Variants in CHD1L observed in about 807,000 individuals in gnomAD.
CHD1L encodes the protein ATP-dependent chromatin remodeler CHD1L.
In CHD1L, 118 loss-of-function variants were observed where a neutral mutation model predicts 115.9. The ratio of observed to expected loss-of-function variants is 1.02; its 90% CI spans 0.88 to 1.19. The LOEUF (loss-of-function observed/expected upper bound fraction) is 1.19. Ranked by LOEUF, CHD1L falls within the 50% of genes most tolerant of loss-of-function variation. The pLI, the probability that CHD1L is intolerant of heterozygous loss-of-function variation, is 0.00. For synonymous variants in CHD1L, 411 were observed against 387.1 expected, an observed-to-expected ratio of 1.06 and a Z score of -0.72; for missense variants, 1,179 against 1,065.3, an observed-to-expected ratio of 1.11 and a Z score of -1.49.
the CHD1L span, chr1:147,210,023 A>G: frequency 6.6e-6 from 1 of 152,176 alleles, no homozygotes; most frequent in Non-Finnish European, 1.5e-5. Context: ...ACTTCCATTT[A>G]TTGGGATTTG....
At chr1:147,217,942 T>C in the CHD1L span, among the ~76,000 whole-genome samples, 1 of 152,190 alleles carries the variant, frequency 6.6e-6, no homozygotes, top group African/African-American at 2.4e-5. Flanking sequence ...TAAATAGCAC[T>C]CAATAAATGT....
intron 1 of CHD1L, among the ~76,000 whole-genome samples, chr1:147,244,242 T>G (rs1665877359): frequency 6.6e-6 from 1 of 152,172 alleles, no homozygotes; most frequent in Admixed American, 6.5e-5. Context: ...GGCAAGTGTT[T>G]TAGTGAAAAT....
At chr1:147,208,810 T>C in the CHD1L span, 1 of 1,532,662 alleles carries the variant, frequency 6.5e-7, no homozygotes, top group South Asian at 1.1e-5. Context: ...CTTATTCTTG[T>C]GCTTTGGCCA....
chr1:147,180,923 A>C, the CHD1L span, among the ~76,000 whole-genome samples: 3 of 152,298 alleles, frequency 2.0e-5, no homozygotes, highest in East Asian at 5.8e-4. Flanking sequence ...GACTTGTGTC[A>C]AGTACAAGGC....
the CHD1L span, chr1:147,201,133 T>C: frequency 6.5e-7 from 1 of 1,548,488 alleles, no homozygotes; most frequent in Non-Finnish European, 8.9e-7. Flanking sequence ...TTAAGTAGTC[T>C]ATTTGCATGG....
chr1:147,213,616 T>G, the CHD1L span: 2 of 647,206 alleles, frequency 3.1e-6, no homozygotes, highest in South Asian at 7.4e-5. Context: ...AAATAAGAAC[T>G]GTTTGGGGCT....
At chr1:147,288,342 A>G (rs1253165808) in intron 19 of CHD1L, among the ~76,000 whole-genome samples, 451 of 2,616 alleles carry the variant, frequency 0.17, 5 homozygotes, top group East Asian at 0.26. Context: ...AAAAAAAAAA[A>G]AAAAGAAAAA....
chr1:147,198,719 C>T, the CHD1L span, among the ~76,000 whole-genome samples: 29,797 of 151,798 alleles, frequency 0.2, 3,668 homozygotes, highest in Non-Finnish European at 0.27. Context: ...GGCATGGTGG[C>T]GGGCGCCTGT....
intron 1 of CHD1L, 114 bp from the exon 2 acceptor site, chr1:147,252,509 G>A (rs1668723525): frequency 1.4e-6 from 1 of 710,826 alleles, no homozygotes; most frequent in Non-Finnish European, 2.3e-6. Flanking sequence ...TACGTCCAGT[G>A]AGGTTTAGGG....
At chr1:147,290,483 G>A (rs896334374) in intron 19 of CHD1L, among the ~76,000 whole-genome samples, 1 of 152,106 alleles carries the variant, frequency 6.6e-6, no homozygotes, top group East Asian at 1.9e-4. Context: ...GCCGAGGTTG[G>A]GCAGGCAGTT....
the CHD1L span, among the ~76,000 whole-genome samples, chr1:147,188,941 GAGA>G: frequency 1.3e-5 from 2 of 152,204 alleles, no homozygotes; most frequent in South Asian, 4.1e-4. Context: ...ACTCAGTAGT[GAGA>G]AGAAGGAAAA....
chr1:147,265,882 C>T (rs781856745), intron 7 of CHD1L, 50 bp from the exon 8 acceptor site: 6 of 1,547,534 alleles, frequency 3.9e-6, no homozygotes, highest in South Asian at 1.2e-5. Flanking sequence ...GGTTCATTGC[C>T]TTGGTTCTAC....
At chr1:147,263,157 C>T (rs950952142) in intron 6 of CHD1L, among the ~76,000 whole-genome samples, 1 of 151,918 alleles carries the variant, frequency 6.6e-6, no homozygotes, top group African/African-American at 2.4e-5. Flanking sequence ...GCTGTAATTA[C>T]AGGCTCACAC....
intron 5 of CHD1L, 136 bp downstream of exon 5, chr1:147,256,698 A>G (rs1670280386): frequency 9.3e-6 from 7 of 751,464 alleles, no homozygotes; most frequent in Non-Finnish European, 1.1e-5. Flanking sequence ...GGTAGGCGGC[A>G]TGGTGGGAGT....
At chr1:147,244,015 T>A (rs1553932666) in intron 1 of CHD1L, among the ~76,000 whole-genome samples, 4 of 152,176 alleles carry the variant, frequency 2.6e-5, no homozygotes. Context: ...TAAGAATGTG[T>A]GGCTGTAAGG....
intron 3 of CHD1L, 44 bp from the exon 4 acceptor site, chr1:147,255,769 T>C: frequency 7.4e-7 from 1 of 1,359,882 alleles, no homozygotes; most frequent in Non-Finnish European, 1.0e-6. Flanking sequence ...TCCTGTCACA[T>C]GGATCTAGTA....
At chr1:147,270,196 T>G (rs1056469492) in intron 10 of CHD1L, among the ~76,000 whole-genome samples, 2 of 152,248 alleles carry the variant, frequency 1.3e-5, no homozygotes, top group Non-Finnish European at 2.9e-5. Context: ...GTTTTTATAA[T>G]GAGAATATTG....
intron 14 of CHD1L, among the ~76,000 whole-genome samples, chr1:147,278,914 T>C (rs1414143783): frequency 6.6e-6 from 1 of 152,132 alleles, no homozygotes; most frequent in South Asian, 2.1e-4. Context: ...AAAACACATG[T>C]AATTTTCTTA....
chr1:147,223,938 C>T, the CHD1L span: 1 of 375,958 alleles, frequency 2.7e-6, no homozygotes, highest in Non-Finnish European at 5.2e-6. Context: ...GGGGATACCC[C>T]CATCGAGACA....
Sources: gnomAD v4.1 joint callset for allele counts (sites outside exome capture counted in the v4.1 genomes callset) on GRCh38, gnomAD v4.1.1 for gene constraint, MANE v1.5 for transcripts, NCBI Gene and HGNC (gene_info 2026-07-23, HGNC 2026-07-21) for gene names.